Variants in EQTN observed in about 807,000 individuals in gnomAD.
The protein encoded by EQTN is equatorin, also known as Acrosome formation associated factor.
A neutral mutation model predicts 26.9 loss-of-function variants in EQTN; 29 were observed. That is an observed-to-expected ratio of 1.08 (90% CI 0.80 to 1.47). The LOEUF (loss-of-function observed/expected upper bound fraction) is 1.47. EQTN is among the 40% of genes most tolerant of loss of function. EQTN has a pLI of 0.00. For synonymous variants in EQTN, 129 were observed against 120.0 expected, an observed-to-expected ratio of 1.07 and a Z score of -0.49; for missense variants, 391 against 346.1, an observed-to-expected ratio of 1.13 and a Z score of -1.03.
intron 5 of EQTN, 33 bp downstream of exon 5, chr9:27,290,986 T>C (rs2383724): frequency 0.87 from 1,388,908 of 1,595,910 alleles, 604,992 homozygotes; most frequent in Admixed American, 0.91. Flanking sequence ...AAAACCAAAA[T>C]GTTTCCCAAG....
At position 27,297,148 on chromosome 9, in the gene EQTN, T is replaced by TATGACATC. The variant is rs1820361506; in HGVS notation, c.-94_-93insGATGTCAT. On this transcript the variant is annotated 5_prime_UTR_variant, in exon 1 of 8. The change creates a new upstream start codon in the 5' untranslated region. Coordinates refer to ENST00000380032, the MANE Select transcript of EQTN (RefSeq NM_020641.3). ...CAGGTCCTGTGTCTAACTAGGACAT[T>TATGACATC]ATGACATCACTGTCAGATGGGCATC... 1.2e-6 allele frequency: 1 copy of TATGACATC among 819,784 alleles called. No homozygotes were observed. Among genetic ancestry groups the TATGACATC allele is most frequent in the Non-Finnish European group, 1.9e-6 (1 of 517,118 alleles). The allele number at this position is 819,784 out of a possible 1,614,324, so 50.8% of individuals were successfully genotyped here.
In EQTN at chr9:27,296,707, A is replaced by G. The variant is rs3824406; in HGVS notation, c.108T>C (p.Asp36=). ...CATTCTTTTCTTCCTGCTTATTAACATCTTCATTTAAAGGTAGCACATTAG... is the reference window on the plus strand; with the variant it reads ...CATTCTTTTCTTCCTGCTTATTAACGTCTTCATTTAAAGGTAGCACATTAG... ...ALPNVLPLNE[D]VNKQEEKNED... Residue 36 remains aspartate, a synonymous_variant, in exon 2 of 8, where the codon GAT becomes GAC. Transcript: ENST00000380032. 0.16 allele frequency: 251,331 copies of G among 1,608,656 alleles called. 21,542 individuals carry two copies. Among genetic ancestry groups the G allele is most frequent in the East Asian group, 0.25 (11,141 of 44,698 alleles).
chr9:27,286,711 T>C (rs1357490749), intron 6 of EQTN, among the ~76,000 whole-genome samples: 1 of 152,228 alleles, frequency 6.6e-6, no homozygotes, highest in Non-Finnish European at 1.5e-5. Flanking sequence ...CTTTCTCTGA[T>C]TTAATCTACC....
chr9:27,294,371 A>G lies in EQTN; in HGVS notation c.234T>C (p.Thr78=). ...YVFTTQNPNG[T]ESEISVRATT... ...TGGCTCTCACAGATATTTCAGACTC[A>G]GTGCCATTTGGATTTTGTGTTGTGA... is the stretch of plus-strand genomic sequence containing the variant. Residue 78 remains threonine, a synonymous_variant, in exon 3 of 8, where the codon ACT becomes ACC. Transcript: ENST00000380032. 2.5e-6 allele frequency: 4 copies of G among 1,610,756 alleles called. No homozygotes were observed. The African/African-American group carries it at 4.0e-5, about 16-fold the overall frequency.
Position 27,286,320 on chromosome 9 carries a change from A to C in EQTN, c.524T>G (p.Leu175Arg), listed in dbSNP as rs766665108. ...CATTATTTTGATCTTCAGATCCTCT[A>C]GATCTGGCTGATTTTCTCCCTGTGT... ...NATQGENQPD[L>R]EDLKIKIMLG... Residue 175 changes from leucine (L) to arginine (R), a missense_variant, in exon 7 of 8, where the codon CTA becomes CGA. Leu to Arg is a moderately radical substitution (Grantham distance 102). Transcript: ENST00000380032. The C allele has an allele frequency of 6.2e-7, 1 of 1,605,852 alleles. No individual in the cohort carries two copies. The highest frequency in any genetic ancestry group is 2.2e-5 in the East Asian group (1 of 44,802).
Position 27,291,067 on chromosome 9 carries a change from T to C in EQTN, c.377-4A>G, listed in dbSNP as rs767454886. 6.7e-5 allele frequency: 107 copies of C among 1,608,552 alleles called. No homozygotes were observed. The highest frequency in any genetic ancestry group is 8.7e-5 in the Non-Finnish European group (103 of 1,177,552). ...GCAGGCACGTTTGGGGTTGATCCTGTTAAAACAAAACAAAACACAACAAGA... is the reference window on the plus strand; with the variant it reads ...GCAGGCACGTTTGGGGTTGATCCTGCTAAAACAAAACAAAACACAACAAGA... On this transcript the variant is annotated splice_region_variant and splice_polypyrimidine_tract_variant and intron_variant, in intron 4 of 7. Transcript: ENST00000380032.
At position 27,296,622 on chromosome 9, in the gene EQTN, T is replaced by A; in HGVS notation, c.193A>T (p.Ile65Leu). The A allele has an allele frequency of 6.6e-7, 1 of 1,522,480 alleles. No individual in the cohort carries two copies. Among genetic ancestry groups the A allele is most frequent in the South Asian group, 1.2e-5 (1 of 86,868 alleles). The allele number at this position is 1,522,480 out of a possible 1,614,324, so 94.3% of individuals were successfully genotyped here. A position where few individuals can be genotyped will look rare whatever the true frequency, so the allele number is the denominator to read the frequency against. ...CACTTTAAAGACTTACATTGTTTTA[T>A]ATCTTTATAATAATTGCCATTTTTC... ...NEKNGNYYKD[I>L]KQYVFTTQNP... The change falls in exon 2 of 8, where the codon ATA (isoleucine) becomes TTA (leucine). Residue 65 changes from isoleucine to leucine, a missense_variant. Coordinates refer to ENST00000380032, the MANE Select transcript of EQTN (RefSeq NM_020641.3).
chr9:27,296,900 C>G (rs1820356497), intron 1 of EQTN, 80 bp downstream of exon 1: 1 of 1,569,424 alleles, frequency 6.4e-7, no homozygotes, highest in African/African-American at 1.4e-5. Context: ...CTGTAGAAAA[C>G]TGCCACATAC....
intron 1 of EQTN, 55 bp from the exon 2 acceptor site, chr9:27,296,793 C>T: frequency 2.5e-6 from 4 of 1,579,998 alleles, no homozygotes; most frequent in Non-Finnish European, 3.4e-6. Flanking sequence ...TCTTTTACTG[C>T]TTTCTTTTTC....
rs1169731906 is a variant in EQTN at position 27,286,290 on chromosome 9, C to A, written c.554G>T (p.Gly185Val). ...LEDLKIKIML[G>V]ISLMTLLLFV... ...GAGGAGGAGGGTCATCAACGAGATTCCCAGCATTATTTTGATCTTCAGATC... is the reference window on the plus strand; with the variant it reads ...GAGGAGGAGGGTCATCAACGAGATTACCAGCATTATTTTGATCTTCAGATC... Residue 185 changes from glycine to valine, a missense_variant, in exon 7 of 8, where the codon GGA becomes GTA. Coordinates refer to ENST00000380032, the MANE Select transcript of EQTN (RefSeq NM_020641.3). 1 of 1,612,204 alleles carries A rather than the reference C, an allele frequency of 6.2e-7. No individual in the cohort carries two copies. Among genetic ancestry groups the A allele is most frequent in the East Asian group, 2.2e-5 (1 of 44,880 alleles).
chr9:27,295,475 A>C (rs186580574), intron 2 of EQTN, among the ~76,000 whole-genome samples: 3 of 152,338 alleles, frequency 2.0e-5, no homozygotes, highest in African/African-American at 7.2e-5. Context: ...TCCTTGAAAA[A>C]CATAATGTTT....
Position 27,291,058 on chromosome 9 carries a change from T to G in EQTN, c.382A>C (p.Thr128Pro). The change falls in exon 5 of 8, where the codon ACC becomes CCC. Residue 128 changes from threonine (T) to proline (P), a missense_variant. Thr to Pro is a conservative substitution (Grantham distance 38). Coordinates refer to ENST00000380032, the MANE Select transcript of EQTN (RefSeq NM_020641.3). ...GTCCAAAATGCAGGCACGTTTGGGG[T>G]TGATCCTGTTAAAACAAAACAAAAC... Reference protein sequence around the residue: ...EPSHKNIQRSTPNVPAFWTML... With the variant: ...EPSHKNIQRSPPNVPAFWTML... The G allele has an allele frequency of 6.2e-7, 1 of 1,610,618 alleles. No homozygotes were observed. The highest frequency in any genetic ancestry group is 8.5e-7 in the Non-Finnish European group (1 of 1,178,516).
chr9:27,289,838 G>A (rs369823902), intron 5 of EQTN, 107 bp from the exon 6 acceptor site: 1 of 718,556 alleles, frequency 1.4e-6, no homozygotes, highest in Non-Finnish European at 2.2e-6. Flanking sequence ...TGTACAGTCT[G>A]TTCTCATTAT....
At chr9:27,286,476 C>T (rs1820126390) in intron 6 of EQTN, 114 bp from the exon 7 acceptor site, 2 of 1,019,702 alleles carry the variant, frequency 2.0e-6, no homozygotes, top group African/African-American at 1.6e-5. Flanking sequence ...AGAGTATTAA[C>T]TGGCCGGTCT....
At position 27,284,924 on chromosome 9, in the gene EQTN, C is replaced by T. The variant is rs1022720468; in HGVS notation, c.684G>A (p.Thr228=). 2.5e-6 allele frequency: 4 copies of T among 1,613,928 alleles called. No individual in the cohort carries two copies. Among genetic ancestry groups the T allele is most frequent in the East Asian group, 2.2e-5 (1 of 44,890 alleles). ...CTTCTGATGGATGAAAGTAAGACAT[C>T]GTGGCCAGCTCTGGGTTGACAGAGT... The part of the protein sequence containing the change: ...SQYSVNPELA[T]MSYFHPSEGV... Residue 228 remains threonine (T), a synonymous_variant, in exon 8 of 8, where the codon ACG becomes ACA. Coordinates refer to ENST00000380032, the MANE Select transcript of EQTN (RefSeq NM_020641.3).
chr9:27,286,148 G>T (rs1820114101), intron 7 of EQTN, 61 bp downstream of exon 7: 4 of 1,505,418 alleles, frequency 2.7e-6, no homozygotes, highest in Admixed American at 3.5e-5. Context: ...ACTAAAGAGA[G>T]GAGGGAGAGA....
At position 27,285,133 on chromosome 9, in the gene EQTN, CTTTTTTTTTTTTTTTT is replaced by C. The variant is rs201723057; in HGVS notation, c.636-177_636-162del. 1.0e-3 allele frequency among the ~76,000 whole-genome samples: 78 copies of C among 77,088 alleles called. 1 individual carries two copies. The highest frequency in any genetic ancestry group is 6.4e-3 in the East Asian group (17 of 2,674). 50.6% of individuals were successfully genotyped at this position (77,088 alleles called of 152,430 possible). ...GATATATAGTTTTTCTTTTCTTTTC[CTTTTTTTTTTTTTTTT>C]TTTTTTTTTTTTTGAGACAGAATCT... On this transcript the variant is annotated intron_variant, in intron 7 of 7. Transcript: ENST00000380032.
At chr9:27,288,378 G>A (rs1820162031) in intron 6 of EQTN, among the ~76,000 whole-genome samples, 1 of 152,120 alleles carries the variant, frequency 6.6e-6, no homozygotes, top group Non-Finnish European at 1.5e-5. Flanking sequence ...TACTTTGGAA[G>A]ATAGTTTGGT....
intron 5 of EQTN, among the ~76,000 whole-genome samples, chr9:27,290,732 A>G (rs886106992): frequency 6.6e-6 from 1 of 152,246 alleles, no homozygotes; most frequent in Non-Finnish European, 1.5e-5. Context: ...TCCAAATACA[A>G]AGATGAATGA....
Sources: allele counts gnomAD v4.1 joint callset (sites outside exome capture counted in the v4.1 genomes callset), GRCh38; gene constraint gnomAD v4.1.1; transcripts MANE v1.5; gene names NCBI Gene and HGNC (gene_info 2026-07-23, HGNC 2026-07-21).